The following PHC2 variants were observed in gnomAD, a reference collection of about 807,000 sequenced individuals.
PHC2 encodes polyhomeotic-like protein 2.
PHC2 carries 29 observed loss-of-function variants against 87.4 expected under a neutral mutation model. That is an observed-to-expected ratio of 0.33 (90% CI 0.25 to 0.45). The LOEUF is 0.45. PHC2 is among the 20% of genes least tolerant of loss of function. PHC2 has a pLI of 1.00. For missense variants in PHC2, 857 were observed against 1,136.7 expected (o/e 0.75, Z 3.54); for synonymous variants, 438 against 461.7 (o/e 0.95, Z 0.66).
chr1:33,363,351 A>G (rs1647253595), intron 7 of PHC2: 1 of 152,170 alleles, frequency 6.6e-6, no homozygotes, highest in African/African-American at 2.4e-5. Context: ...ATCGTTGGGG[A>G]TTTTAGCAGA....
At chr1:33,338,177 A>G (rs1463920298) in intron 9 of PHC2, among the ~76,000 whole-genome samples, 1 of 152,248 alleles carries the variant, frequency 6.6e-6, no homozygotes, top group Non-Finnish European at 1.5e-5. Flanking sequence ...TCTTGAGGTC[A>G]GAGTCTGTCT....
chr1:33,369,413 G>A lies in PHC2; in HGVS notation c.577-791C>T, dbSNP rs530010404. ...AGGGAGGCAGACAGGCAGGCATCACGACCCCAGTGGAGTAGGACATAGGGA... is the reference window on the plus strand; with the variant it reads ...AGGGAGGCAGACAGGCAGGCATCACAACCCCAGTGGAGTAGGACATAGGGA... On this transcript the variant is annotated intron_variant, in intron 5 of 14. Coordinates refer to ENST00000683057, the MANE Select transcript of PHC2 (RefSeq NM_001385109.1). The surrounding 1 kb of genome is among the most constrained non-coding windows in gnomAD (Gnocchi z 4.7). Among the ~76,000 whole-genome samples the A allele has an allele frequency of 4.5e-4, 69 of 152,328 alleles. No homozygotes were observed. The highest frequency in any genetic ancestry group is 1.6e-3 in the African/African-American group (67 of 41,564).
intron 1 of PHC2, among the ~76,000 whole-genome samples, chr1:33,387,714 C>T (rs1648835744): frequency 6.6e-6 from 1 of 152,208 alleles, no homozygotes; most frequent in Non-Finnish European, 1.5e-5. Flanking sequence ...ATCGGAAACA[C>T]AGGTTTCAAA....
At chr1:33,387,840 C>T (rs1453389421) in intron 1 of PHC2, among the ~76,000 whole-genome samples, 1 of 152,228 alleles carries the variant, frequency 6.6e-6, no homozygotes, top group Non-Finnish European at 1.5e-5. Context: ...TAGCCTATCT[C>T]ACAAGAGTCA....
chr1:33,334,552 C>T lies in PHC2; in HGVS notation c.1559-260G>A, dbSNP rs1311771770. On this transcript the variant is annotated intron_variant, in intron 9 of 14. Transcript: ENST00000683057. The surrounding 1 kb of genome is among the most constrained non-coding windows in gnomAD (Gnocchi z 5.5). ...TAGCAGTGTTTCTTCATTTCCCAAC[C>T]GTGCTATGAACAGTTAACCCGGATA... 2.0e-5 allele frequency among the ~76,000 whole-genome samples: 3 copies of T among 152,230 alleles called. No homozygotes were observed. Among genetic ancestry groups the T allele is most frequent in the Non-Finnish European group, 2.9e-5 (2 of 68,048 alleles).
chr1:33,329,520 A>C (rs1007553902), intron 13 of PHC2, among the ~76,000 whole-genome samples: 3 of 152,190 alleles, frequency 2.0e-5, no homozygotes, highest in African/African-American at 7.2e-5. Context: ...ATTATACATA[A>C]GGTTATAAAA....
intron 9 of PHC2, chr1:33,346,503 A>C: frequency 1.0e-6 from 1 of 985,382 alleles, no homozygotes; most frequent in Non-Finnish European, 1.2e-6. Context: ...GCTGGAACTA[A>C]ATCTGTCTGG....
chr1:33,350,969 T>C (rs1646960974), intron 9 of PHC2, among the ~76,000 whole-genome samples: 1 of 152,092 alleles, frequency 6.6e-6, no homozygotes, highest in South Asian at 2.1e-4. Flanking sequence ...TGCCTCCCTC[T>C]CTTAAGTTCC....
At chr1:33,367,989 G>A (rs927025550) in intron 6 of PHC2, among the ~76,000 whole-genome samples, 17 of 152,102 alleles carry the variant, frequency 1.1e-4, no homozygotes, top group Non-Finnish European at 1.6e-4. Context: ...CTGAAAATCC[G>A]GCTACCAGCC....
At chr1:33,421,073 T>C (rs1650417576) in intron 1 of PHC2, among the ~76,000 whole-genome samples, 1 of 152,254 alleles carries the variant, frequency 6.6e-6, no homozygotes, top group Admixed American at 6.5e-5. Context: ...ATTATTATTA[T>C]GCAATAAACA....
intron 1 of PHC2, among the ~76,000 whole-genome samples, chr1:33,407,735 T>C (rs1649821469): frequency 6.6e-6 from 1 of 152,222 alleles, no homozygotes; most frequent in Non-Finnish European, 1.5e-5. Context: ...GAGAGAGGTA[T>C]TTTTAAAATT....
At chr1:33,417,907 G>A (rs561681349) in intron 1 of PHC2, among the ~76,000 whole-genome samples, 6 of 152,116 alleles carry the variant, frequency 3.9e-5, no homozygotes, top group South Asian at 2.1e-4. Flanking sequence ...AATTATACTC[G>A]AAAGCAATAA....
chr1:33,414,243 A>G lies in PHC2; in HGVS notation c.-55+16733T>C, dbSNP rs1398877903. Among the ~76,000 whole-genome samples, 5 of 151,434 alleles carry G rather than the reference A, an allele frequency of 3.3e-5. No individual in the cohort carries two copies. The South Asian group carries it at 6.3e-4, about 19-fold the overall frequency. ...CAAGAAAGGTTAACAGTTGAGGTTGATTTATTGCCCCAAATAACCTGCCCC... is the reference window on the plus strand; with the variant it reads ...CAAGAAAGGTTAACAGTTGAGGTTGGTTTATTGCCCCAAATAACCTGCCCC... On this transcript the variant is annotated intron_variant, in intron 1 of 14. Coordinates refer to ENST00000683057, the MANE Select transcript of PHC2 (RefSeq NM_001385109.1).
intron 1 of PHC2, among the ~76,000 whole-genome samples, chr1:33,395,366 C>T (rs932388514): frequency 2.6e-5 from 4 of 152,080 alleles, no homozygotes; most frequent in African/African-American, 9.7e-5. Flanking sequence ...TGTACTATAT[C>T]AATGCATGCC....
intron 3 of PHC2, among the ~76,000 whole-genome samples, chr1:33,371,645 C>A (rs1647852748): frequency 3.3e-5 from 5 of 152,260 alleles, no homozygotes; most frequent in South Asian, 4.1e-4. Context: ...TCCAGTGTTA[C>A]TCCAACAGAC....
chr1:33,423,954 G>A (rs928952334), intron 1 of PHC2, among the ~76,000 whole-genome samples: 16 of 151,996 alleles, frequency 1.1e-4, no homozygotes, highest in South Asian at 2.1e-4. Flanking sequence ...AAAATTAGCC[G>A]GGCATGGTGG....
At chr1:33,386,793 TCA>T (rs1201654534) in intron 1 of PHC2, among the ~76,000 whole-genome samples, 1 of 151,828 alleles carries the variant, frequency 6.6e-6, no homozygotes, top group Non-Finnish European at 1.5e-5. Context: ...CGCACACACA[TCA>T]CAGTGTGCGC....
rs371751533 is a variant in PHC2 at position 33,336,878 on chromosome 1, T to C, written c.1559-2586A>G. 3.3e-5 allele frequency: 5 copies of C among 152,298 alleles called. No homozygotes were observed. The East Asian group carries it at 7.7e-4, about 23-fold the overall frequency. The allele number at this position is 152,298 out of a possible 1,614,324, so 9.4% of individuals were successfully genotyped here. On this transcript the variant is annotated intron_variant, in intron 9 of 14. Transcript: ENST00000683057. Reference sequence around the variant, plus strand: ...GCCCTCACATCCATGTTTGAGAACGTAGAAAAAACCCCTTTCCCTCACAAT... The same window carrying C: ...GCCCTCACATCCATGTTTGAGAACGCAGAAAAAACCCCTTTCCCTCACAAT...
Position 33,332,329 on chromosome 1 carries a change from G to A in PHC2, c.1837C>T (p.Gln613Ter). 6.2e-7 allele frequency: 1 copy of A among 1,614,178 alleles called. No homozygotes were observed. The highest frequency in any genetic ancestry group is 8.5e-7 in the Non-Finnish European group (1 of 1,179,998). The change falls in exon 11 of 15, where the codon CAG (glutamine) becomes TAG (stop). Residue 613 changes from glutamine to a stop codon, truncating the protein, a stop_gained. Transcript: ENST00000683057. LOFTEE classifies it high-confidence loss of function. The surrounding 1 kb of genome is among the most constrained non-coding windows in gnomAD (Gnocchi z 4.2). Reference protein sequence around the residue: ...AQGFLPEKLPQQDHTTTTDSE... With the variant: ...AQGFLPEKLP ...TCAGTGGTGGTGGTGTGATCCTGCT[G>A]TGGAAGTTTCTCAGGCAGGAACCCC...
Sources: allele counts gnomAD v4.1 joint callset (sites outside exome capture counted in the v4.1 genomes callset), GRCh38; gene constraint gnomAD v4.1.1; non-coding constraint Gnocchi (gnomAD v3.1); transcripts MANE v1.5; gene names NCBI Gene and HGNC (gene_info 2026-07-23, HGNC 2026-07-21).